The following HSD17B3 variants were observed in gnomAD, a reference collection of about 807,000 sequenced individuals.
The protein encoded by HSD17B3 is 17-beta-hydroxysteroid dehydrogenase type 3.
Under a neutral mutation model 41.1 loss-of-function variants are expected in HSD17B3, and 29 were observed. The ratio of observed to expected loss-of-function variants is 0.71; its 90% CI spans 0.53 to 0.96. The LOEUF is 0.96. Among genes scored for constraint, HSD17B3 ranks in the 40% least tolerant of loss-of-function variants. The pLI is 0.00. For missense variants in HSD17B3, 323 were observed against 374.6 expected, an observed-to-expected ratio of 0.86 and a Z score of 1.14; for synonymous variants, 126 against 145.6, an observed-to-expected ratio of 0.87 and a Z score of 0.97.
intron 2 of HSD17B3, among the ~76,000 whole-genome samples, chr9:96,291,519 A>G (rs1827158232): frequency 6.6e-6 from 1 of 152,216 alleles, no homozygotes; most frequent in Admixed American, 6.5e-5. Flanking sequence ...CATAACGTAA[A>G]ACCAAAATGT....
chr9:96,258,668 TC>T (rs1825751696), intron 2 of HSD17B3, among the ~76,000 whole-genome samples: 1 of 152,202 alleles, frequency 6.6e-6, no homozygotes, highest in African/African-American at 2.4e-5. Context: ...AATGAGAAAA[TC>T]ATCTAGACAA....
intron 10 of HSD17B3, among the ~76,000 whole-genome samples, chr9:96,238,182 T>G (rs1836301308): frequency 6.6e-6 from 1 of 152,032 alleles, no homozygotes; most frequent in African/African-American, 2.4e-5. Context: ...AAATAAAATT[T>G]TATTCCATTT....
intron 2 of HSD17B3, among the ~76,000 whole-genome samples, chr9:96,265,137 C>T (rs1826005752): frequency 1.3e-5 from 2 of 152,172 alleles, no homozygotes; most frequent in African/African-American, 2.4e-5. Context: ...GTGCAGACAG[C>T]TCACGGCCAG....
chr9:96,249,783 G>A lies in HSD17B3; in HGVS notation c.457C>T (p.Leu153Phe), dbSNP rs772442387. 2 of 1,614,034 alleles carry A rather than the reference G, an allele frequency of 1.2e-6. No individual in the cohort carries two copies. The highest frequency in any genetic ancestry group is 1.7e-6 in the Non-Finnish European group (2 of 1,179,954). The stretch of plus-strand genomic sequence containing the variant: ...ACGGAGGTGATGTTACAATGGATGA[G>A]GCTCTGTAATAAATAATCACAACCA... The part of the protein sequence containing the change: ...FLNAPDEIQS[L>F]IHCNITSVVK... The change falls in exon 6 of 11, where the codon CTC becomes TTC. Residue 153 changes from leucine to phenylalanine, a missense_variant. Physicochemically the swap from Leu to Phe is conservative, Grantham distance 22. Coordinates refer to ENST00000375263, the MANE Select transcript of HSD17B3 (RefSeq NM_000197.2).
At chr9:96,260,165 C>CT (rs1825809325) in intron 2 of HSD17B3, among the ~76,000 whole-genome samples, 1 of 152,108 alleles carries the variant, frequency 6.6e-6, no homozygotes, top group South Asian at 2.1e-4. Context: ...TTCTGAATTG[C>CT]TTTTTTAATA....
intron 2 of HSD17B3, among the ~76,000 whole-genome samples, chr9:96,260,677 A>G (rs1309809820): frequency 6.6e-6 from 1 of 152,106 alleles, no homozygotes; most frequent in African/African-American, 2.4e-5. Context: ...AGGCAAGAAA[A>G]TCGCTTGAAT....
intron 2 of HSD17B3, among the ~76,000 whole-genome samples, chr9:96,272,449 A>AAAT (rs1826302963): frequency 1.0e-5 from 1 of 98,822 alleles, no homozygotes; most frequent in Non-Finnish European, 2.0e-5. Flanking sequence ...ATATATATAA[A>AAAT]ATATATATGA....
intron 2 of HSD17B3, among the ~76,000 whole-genome samples, chr9:96,261,362 A>G (rs1010062501): frequency 2.6e-5 from 4 of 152,126 alleles, no homozygotes; most frequent in Non-Finnish European, 5.9e-5. Flanking sequence ...TGCCCGGCTA[A>G]TTTTTGTATT....
Position 96,287,014 on chromosome 9 carries a change from C to T in HSD17B3, c.201+11402G>A, listed in dbSNP as rs8190518. On this transcript the variant is annotated intron_variant, in intron 2 of 10. Coordinates refer to ENST00000375263, the MANE Select transcript of HSD17B3 (RefSeq NM_000197.2). ...CCTGAATTCTTTCTTTGATGAGGTC[C>T]GAGAACACTCTCTTGGGGTCTGGAT... Among the ~76,000 whole-genome samples the T allele has an allele frequency of 9.1e-3, 1,379 of 152,156 alleles. 27 individuals are homozygous for T. The highest frequency in any genetic ancestry group is 0.065 in the South Asian group (313 of 4,808).
intron 5 of HSD17B3, chr9:96,250,459 C>T (rs1836851629): frequency 9.4e-7 from 1 of 1,062,984 alleles, no homozygotes; most frequent in Non-Finnish European, 1.1e-6. Context: ...GCAGCAGACT[C>T]GGGGCTTACA....
chr9:96,288,966 C>T (rs372143366), intron 2 of HSD17B3, among the ~76,000 whole-genome samples: 3 of 150,786 alleles, frequency 2.0e-5, no homozygotes, highest in Non-Finnish European at 2.9e-5. Context: ...AAAAATTAGC[C>T]GAGCATGGTG....
At chr9:96,288,894 G>A (rs931794257) in intron 2 of HSD17B3, among the ~76,000 whole-genome samples, 1 of 150,186 alleles carries the variant, frequency 6.7e-6, no homozygotes, top group African/African-American at 2.5e-5. Context: ...CCGAAATTGC[G>A]CCACTGCACT....
intron 2 of HSD17B3, among the ~76,000 whole-genome samples, chr9:96,295,115 T>C (rs1827299554): frequency 6.8e-6 from 1 of 146,940 alleles, no homozygotes; most frequent in African/African-American, 2.5e-5. Context: ...CAAGCGATTC[T>C]CCTGCCTCAG....
intron 2 of HSD17B3, among the ~76,000 whole-genome samples, chr9:96,287,885 A>AAT (rs1491085411): frequency 6.8e-6 from 1 of 146,130 alleles, no homozygotes; most frequent in Non-Finnish European, 1.5e-5. Context: ...AAAAAAAAAA[A>AAT]TGGAAACAAC....
chr9:96,280,243 AT>A (rs2130775976), intron 2 of HSD17B3, among the ~76,000 whole-genome samples: 1 of 152,268 alleles, frequency 6.6e-6, no homozygotes. Flanking sequence ...GGTCCATTCG[AT>A]TGGTTGGGAG....
chr9:96,288,747 T>G (rs1008582603), intron 2 of HSD17B3, among the ~76,000 whole-genome samples: 6 of 151,994 alleles, frequency 3.9e-5, no homozygotes, highest in Non-Finnish European at 8.8e-5. Flanking sequence ...CCATCCTGGC[T>G]AACATGTTGA....
chr9:96,255,041 C>A lies in HSD17B3; in HGVS notation c.202-98G>T, dbSNP rs188221609. ...GGTCCTGAGACTGTGCACATACTGG[C>A]AGGGTGACATGGTTGCTTCACCTGG... is the stretch of plus-strand genomic sequence containing the variant. On this transcript the variant is annotated intron_variant, in intron 2 of 10. Coordinates refer to ENST00000375263, the MANE Select transcript of HSD17B3 (RefSeq NM_000197.2). 20 of 987,298 alleles carry A rather than the reference C, an allele frequency of 2.0e-5. No individual in the cohort carries two copies. The East Asian group carries it at 5.0e-4, about 25-fold the overall frequency. The allele number at this position is 987,298 out of a possible 1,614,324, so 61.2% of individuals were successfully genotyped here.
rs408876 is a variant in HSD17B3, at chr9:96,251,381, A to G, written c.453+37T>C. On this transcript the variant is annotated intron_variant, in intron 5 of 10. Coordinates refer to ENST00000375263, the MANE Select transcript of HSD17B3 (RefSeq NM_000197.2). Reference sequence around the variant, plus strand: ...CCCAGCCAGGGGACCCAGAACCTGGATAAGAGGAATCTATACACAGAAGAG... The same window carrying G: ...CCCAGCCAGGGGACCCAGAACCTGGGTAAGAGGAATCTATACACAGAAGAG... 1,340,644 of 1,584,216 alleles carry G rather than the reference A, an allele frequency of 0.85. 568,629 individuals carry two copies. The highest frequency in any genetic ancestry group is 0.96 in the African/African-American group (71,601 of 74,422).
intron 5 of HSD17B3, among the ~76,000 whole-genome samples, chr9:96,250,785 G>A (rs893209012): frequency 2.0e-5 from 3 of 151,900 alleles, no homozygotes; most frequent in African/African-American, 7.2e-5. Context: ...CTACTCAGGA[G>A]GCTGAGGCAG....
Sources: gnomAD v4.1 joint callset for allele counts (sites outside exome capture counted in the v4.1 genomes callset) on GRCh38, gnomAD v4.1.1 for gene constraint, MANE v1.5 for transcripts, NCBI Gene and HGNC (gene_info 2026-07-23, HGNC 2026-07-21) for gene names.